Variants in ZNF559 observed in about 807,000 individuals in gnomAD.
ZNF559 encodes the protein zinc finger protein 559.
Under a neutral mutation model 14.2 loss-of-function variants are expected in ZNF559, and 17 were observed. That is an observed-to-expected ratio of 1.20 (90% CI 0.82 to 1.80). The LOEUF (loss-of-function observed/expected upper bound fraction) is 1.80, where lower values mean the gene tolerates loss of function less well. Among genes scored for constraint, ZNF559 ranks in the 40% most tolerant of loss-of-function variants. The pLI is 0.00. For missense variants in ZNF559, 740 were observed against 629.7 expected (o/e 1.18, Z -1.88); for synonymous variants, 244 against 212.4 (o/e 1.15, Z -1.29).
chr19:9,331,343 C>G (rs1349143608), intron 2 of ZNF559, among the ~76,000 whole-genome samples: 3 of 152,240 alleles, frequency 2.0e-5, no homozygotes, highest in South Asian at 4.1e-4. Flanking sequence ...CCTTGGCCTC[C>G]CCAAGTGCTG....
rs1195791825 is a variant in ZNF559, at chr19:9,344,463, T to C, written c.*1395T>C. 6.6e-6 allele frequency: 1 copy of C among 152,084 alleles called. No individual in the cohort carries two copies. The highest frequency in any genetic ancestry group is 1.5e-5 in the Non-Finnish European group (1 of 68,052). The allele number at this position is 152,084 out of a possible 1,614,324, so 9.4% of individuals were successfully genotyped here. A position where few individuals can be genotyped will look rare whatever the true frequency, so the allele number is the denominator to read the frequency against. On this transcript the variant is annotated 3_prime_UTR_variant, in exon 7 of 7. Transcript: ENST00000603380. ...TTCAAGACCAGCCTGGGCAATATAG[T>C]GAAACCTCATCTTGACAAAGAATAA... is the stretch of plus-strand genomic sequence containing the variant.
chr19:9,324,809 G>A (rs957977439), intron 2 of ZNF559, 29 bp downstream of exon 2: 21 of 1,524,882 alleles, frequency 1.4e-5, no homozygotes, highest in African/African-American at 2.7e-5. Context: ...TGTTCTGGCT[G>A]TGGGTGTCGG....
chr19:9,338,434 C>T, intron 3 of ZNF559, 60 bp from the exon 4 acceptor site: 1 of 1,327,838 alleles, frequency 7.5e-7, no homozygotes, highest in Non-Finnish European at 1.1e-6. Flanking sequence ...GGCTTCTTGC[C>T]TTGTGAGTAT....
At position 9,339,294 on chromosome 19, in the gene ZNF559, G is replaced by A; in HGVS notation, c.135G>A (p.Glu45=). ...ACTTATACAGAGATGTGATGCTGGA[G>A]AACTATAAGAATCTAGTTGCAGTAG... is the stretch of plus-strand genomic sequence containing the variant. ...QRNLYRDVML[E]NYKNLVAVDW... is the part of the protein sequence containing the mutation. The change falls in exon 5 of 7, where the codon GAG becomes GAA. Residue 45 remains glutamate (E), a synonymous_variant. Coordinates refer to ENST00000603380, the MANE Select transcript of ZNF559 (RefSeq NM_032497.3). 6.2e-7 allele frequency: 1 copy of A among 1,613,530 alleles called. No individual in the cohort carries two copies. The highest frequency in any genetic ancestry group is 8.5e-7 in the Non-Finnish European group (1 of 1,179,718).
chr19:9,343,076 CTGA>C lies in ZNF559; in HGVS notation c.*10_*12del. 1 of 1,599,838 alleles carries C rather than the reference CTGA, an allele frequency of 6.3e-7. No homozygotes were observed. The highest frequency in any genetic ancestry group is 8.5e-7 in the Non-Finnish European group (1 of 1,173,922). ...CTTACTGAATGTGTGTGAATTGGGG[CTGA>C]TACTTGGAAAGAATGTGGTAAAGCC... On this transcript the variant is annotated 3_prime_UTR_variant, in exon 7 of 7. Coordinates refer to ENST00000603380, the MANE Select transcript of ZNF559 (RefSeq NM_032497.3).
chr19:9,342,314 T>A lies in ZNF559; in HGVS notation c.863T>A (p.Ile288Lys), dbSNP rs769268948. 1 of 1,597,206 alleles carries A rather than the reference T, an allele frequency of 6.3e-7. No homozygotes were observed. The highest frequency in any genetic ancestry group is 1.4e-5 in the African/African-American group (1 of 73,820). Residue 288 changes from isoleucine (I) to lysine (K), a missense_variant, in exon 7 of 7, where the codon ATA becomes AAA. By Grantham distance (102) the Ile-to-Lys change is moderately radical. Coordinates refer to ENST00000603380, the MANE Select transcript of ZNF559 (RefSeq NM_032497.3). ...TTTTCCCCAGATCTTGCTAAACATA[T>A]AAGACTTAGAACTAGAGGAAAACAC... is the stretch of plus-strand genomic sequence containing the variant. ...FAFSPDLAKH[I>K]RLRTRGKHYV...
At position 9,342,924 on chromosome 19, in the gene ZNF559, G is replaced by T. The variant is rs1318184905; in HGVS notation, c.1473G>T (p.Arg491=). 7 of 1,614,150 alleles carry T rather than the reference G, an allele frequency of 4.3e-6. No individual in the cohort carries two copies. Residue 491 remains arginine (R), a synonymous_variant, in exon 7 of 7, where the codon CGG becomes CGT. Transcript: ENST00000603380. The stretch of plus-strand genomic sequence containing the variant: ...ACATGAGAACTCACACTGGTGAACG[G>T]CCCTTTGAATGTCAGGAATGTGGGA... ...TVHMRTHTGE[R]PFECQECGKA...
At chr19:9,324,255 C>G (rs1464416797) in intron 1 of ZNF559, 27 bp downstream of exon 1, 1 of 1,536,050 alleles carries the variant, frequency 6.5e-7, no homozygotes, top group Non-Finnish European at 8.7e-7. Flanking sequence ...GGGCGGCGTT[C>G]GGTGGTGTCC....
intron 5 of ZNF559, 139 bp downstream of exon 5, chr19:9,339,458 G>A (rs2067423247): frequency 1.0e-6 from 1 of 982,394 alleles, no homozygotes; most frequent in Non-Finnish European, 1.5e-6. Context: ...AGACCTTACT[G>A]CCTTGTGATT....
rs1358287315 is a variant in ZNF559, at chr19:9,342,021, T to C, written c.570T>C (p.Cys190=). 1 of 1,609,866 alleles carries C rather than the reference T, an allele frequency of 6.2e-7. No individual in the cohort carries two copies. The highest frequency in any genetic ancestry group is 8.5e-7 in the Non-Finnish European group (1 of 1,178,750). The change falls in exon 7 of 7, where the codon TGT becomes TGC. Residue 190 remains cysteine (C), a synonymous_variant. Transcript: ENST00000603380. ...AGAAACCATATAAATGCAGTGACTGTGAAAAAGGCTTACCTTCCTCCTCAC... is the reference window on the plus strand; with the variant it reads ...AGAAACCATATAAATGCAGTGACTGCGAAAAAGGCTTACCTTCCTCCTCAC... ...TQEKPYKCSD[C]EKGLPSSSHL...
upstream of ZNF559, chr19:9,324,156 G>T: frequency 6.5e-7 from 1 of 1,536,022 alleles, no homozygotes; most frequent in Non-Finnish European, 8.7e-7. Flanking sequence ...CTTTGCGCGT[G>T]CGCGGCGTGT....
chr19:9,325,035 C>T (rs1419562016), intron 2 of ZNF559, among the ~76,000 whole-genome samples: 2 of 152,156 alleles, frequency 1.3e-5, no homozygotes, highest in Non-Finnish European at 2.9e-5. Flanking sequence ...AGGTTCAAAA[C>T]GAGGGCATCC....
At chr19:9,338,791 C>T (rs2067380263) in intron 4 of ZNF559, among the ~76,000 whole-genome samples, 1 of 152,196 alleles carries the variant, frequency 6.6e-6, no homozygotes, top group South Asian at 2.1e-4. Context: ...TTTACTAATT[C>T]AGTCTGACTG....
chr19:9,325,813 C>T (rs759314297), intron 2 of ZNF559, among the ~76,000 whole-genome samples: 8 of 151,488 alleles, frequency 5.3e-5, no homozygotes, highest in Non-Finnish European at 8.8e-5. Flanking sequence ...GTCTTTAACC[C>T]TTAACTACAT....
At chr19:9,324,422 G>C (rs1199216673) in intron 1 of ZNF559, 194 bp downstream of exon 1, 13 of 1,443,142 alleles carry the variant, frequency 9.0e-6, no homozygotes, top group African/African-American at 1.4e-5. Context: ...CTCAGGGGTC[G>C]AGGCGGCTGC....
At chr19:9,327,105 C>T (rs553506253) in intron 2 of ZNF559, among the ~76,000 whole-genome samples, 3 of 152,276 alleles carry the variant, frequency 2.0e-5, no homozygotes, top group South Asian at 4.1e-4. Context: ...TGATACTACG[C>T]ATTTGGTCAA....
intron 6 of ZNF559, 182 bp from the exon 7 acceptor site, chr19:9,341,513 A>G (rs1189217864): frequency 3.7e-5 from 41 of 1,103,176 alleles, no homozygotes; most frequent in Non-Finnish European, 5.3e-5. Context: ...TCCTGCAGTC[A>G]CTTTGTTCCA....
At chr19:9,324,545 G>A (rs1363712375) in intron 1 of ZNF559, 150 bp from the exon 2 acceptor site, 9 of 1,218,684 alleles carry the variant, frequency 7.4e-6, no homozygotes, top group Non-Finnish European at 1.0e-5. Context: ...GTCATTCCCA[G>A]CGCTTTGGGC....
intron 2 of ZNF559, among the ~76,000 whole-genome samples, chr19:9,333,730 A>C (rs760380879): frequency 1.4e-4 from 20 of 138,396 alleles, no homozygotes; most frequent in Non-Finnish European, 2.8e-4. Flanking sequence ...AAGAGGAGAT[A>C]ATTCCTACGT....
Sources: allele counts gnomAD v4.1 joint callset (sites outside exome capture counted in the v4.1 genomes callset), GRCh38; gene constraint gnomAD v4.1.1; transcripts MANE v1.5; gene names NCBI Gene and HGNC (gene_info 2026-07-23, HGNC 2026-07-21).